The following ANXA8 variants were observed in gnomAD, a reference collection of about 807,000 sequenced individuals.
ANXA8 encodes VAC-beta.
Under a neutral mutation model 26.8 loss-of-function variants are expected in ANXA8, and 9 were observed. The ratio of observed to expected loss-of-function variants is 0.34; its 90% CI spans 0.20 to 0.59. The LOEUF is 0.59. Among genes scored for constraint, ANXA8 ranks in the 20% least tolerant of loss-of-function variants. ANXA8 has a pLI of 0.84. For synonymous variants in ANXA8, 39 were observed against 94.8 expected (o/e 0.41, Z 3.42); for missense variants, 83 against 238.5 (o/e 0.35, Z 4.29).
the ANXA8 span, among the ~76,000 whole-genome samples, chr10:47,952,979 T>C: frequency 2.6e-4 from 38 of 147,856 alleles, no homozygotes; most frequent in Middle Eastern, 0.01. Flanking sequence ...TTGAAATGTA[T>C]CACAGACAAA....
the ANXA8 span, among the ~76,000 whole-genome samples, chr10:47,495,091 C>T: frequency 1.1e-4 from 16 of 150,716 alleles, no homozygotes; most frequent in East Asian, 3.9e-4. Flanking sequence ...CCTCCTATGA[C>T]GTCCTCCACT....
chr10:47,687,595 C>A, the ANXA8 span, among the ~76,000 whole-genome samples: 4 of 151,788 alleles, frequency 2.6e-5, no homozygotes, highest in African/African-American at 9.7e-5. Flanking sequence ...ATATATTTCT[C>A]CTCCCACTTG....
the ANXA8 span, chr10:47,690,777 G>A: frequency 6.2e-7 from 1 of 1,606,610 alleles, no homozygotes; most frequent in Non-Finnish European, 8.5e-7. Flanking sequence ...TACGTATTGA[G>A]TTGTGTAGCT....
At chr10:47,523,342 AG>A in the ANXA8 span, 3 of 1,567,362 alleles carry the variant, frequency 1.9e-6, no homozygotes, top group Non-Finnish European at 2.6e-6. Flanking sequence ...GTGCATGTGG[AG>A]GTCCTCACCA....
the ANXA8 span, among the ~76,000 whole-genome samples, chr10:47,592,220 T>C: frequency 6.6e-6 from 1 of 150,752 alleles, no homozygotes. Context: ...ACGACCCTCA[T>C]AGATCTTTGG....
the ANXA8 span, among the ~76,000 whole-genome samples, chr10:47,762,194 G>A: frequency 1.3e-5 from 2 of 151,822 alleles, no homozygotes; most frequent in African/African-American, 4.8e-5. Context: ...CGCGCTTAGG[G>A]GAGTTGGTGC....
the ANXA8 span, among the ~76,000 whole-genome samples, chr10:47,493,487 A>G: frequency 0.19 from 23,830 of 128,552 alleles, 2,703 homozygotes; most frequent in East Asian, 0.57. Context: ...CCCCCCACTC[A>G]CACAAGGGTC....
the ANXA8 span, among the ~76,000 whole-genome samples, chr10:47,704,647 T>C: frequency 2.6e-5 from 4 of 151,752 alleles, no homozygotes; most frequent in African/African-American, 9.7e-5. Context: ...CTCTGAAAAC[T>C]ACAAACAAAT....
chr10:47,940,835 A>AAAAAG, the ANXA8 span, among the ~76,000 whole-genome samples: 1 of 144,776 alleles, frequency 6.9e-6, no homozygotes, highest in East Asian at 2.1e-4. Context: ...CTCAAAAAAA[A>AAAAAG]AAAAGAAAAG....
At chr10:47,675,924 C>A in the ANXA8 span, among the ~76,000 whole-genome samples, 26,835 of 147,406 alleles carry the variant, frequency 0.18, 1,517 homozygotes, top group East Asian at 0.45. Context: ...GCCAAAGAAC[C>A]AAGTTGAAAT....
the ANXA8 span, among the ~76,000 whole-genome samples, chr10:47,618,663 ATACT>A: frequency 4.4e-5 from 5 of 114,206 alleles, no homozygotes; most frequent in South Asian, 2.7e-4. Context: ...ATTTTGGTCC[ATACT>A]TATTTATCTA....
At chr10:47,981,147 C>T in the ANXA8 span, among the ~76,000 whole-genome samples, 4 of 151,676 alleles carry the variant, frequency 2.6e-5, no homozygotes, top group African/African-American at 7.3e-5. Context: ...GTTGGTTTAA[C>T]ATAATAAAAT....
At chr10:47,572,120 T>G in the ANXA8 span, among the ~76,000 whole-genome samples, 2 of 86,418 alleles carry the variant, frequency 2.3e-5, no homozygotes, top group Admixed American at 2.4e-4. Context: ...TTTCTTATGA[T>G]GTCTTTGTCT....
the ANXA8 span, among the ~76,000 whole-genome samples, chr10:47,958,937 G>A: frequency 6.7e-6 from 1 of 150,206 alleles, no homozygotes; most frequent in Admixed American, 6.6e-5. Context: ...GGGATTATGG[G>A]GATCGTAATT....
the ANXA8 span, among the ~76,000 whole-genome samples, chr10:47,779,052 T>C: frequency 5.3e-5 from 8 of 151,198 alleles, no homozygotes; most frequent in Non-Finnish European, 1.0e-4. Flanking sequence ...GATATAAGAA[T>C]CAAGCTATCA....
chr10:47,745,706 A>G, the ANXA8 span, among the ~76,000 whole-genome samples: 1 of 137,532 alleles, frequency 7.3e-6, no homozygotes, highest in Admixed American at 7.6e-5. Flanking sequence ...AAATTCCTGA[A>G]GATCCCAGCT....
chr10:47,894,689 C>T, the ANXA8 span, among the ~76,000 whole-genome samples: 9 of 152,214 alleles, frequency 5.9e-5, no homozygotes, highest in African/African-American at 1.7e-4. Flanking sequence ...ACATCACATA[C>T]AGACACACAT....
the ANXA8 span, among the ~76,000 whole-genome samples, chr10:47,514,095 A>G: frequency 7.1e-6 from 1 of 141,598 alleles, no homozygotes; most frequent in African/African-American, 2.6e-5. Context: ...AGACAACCAC[A>G]GAGTGGGAGG....
At chr10:47,933,325 A>G in the ANXA8 span, among the ~76,000 whole-genome samples, 1 of 32,138 alleles carries the variant, frequency 3.1e-5, no homozygotes, top group Non-Finnish European at 5.8e-5. Context: ...TTCAGGGTCA[A>G]GCTTCTCGGC....
Sources: gnomAD v4.1 joint callset for allele counts (sites outside exome capture counted in the v4.1 genomes callset) on GRCh38, gnomAD v4.1.1 for gene constraint, MANE v1.5 for transcripts, NCBI Gene and HGNC (gene_info 2026-07-23, HGNC 2026-07-21) for gene names.